ZBED4: variants seen among roughly 807,000 people sequenced by gnomAD.
The protein encoded by ZBED4 is zinc finger BED-type containing 4, also known as zinc finger BED domain-containing protein 4.
In ZBED4, 4 loss-of-function variants were observed where a neutral mutation model predicts 15.5. The ratio of observed to expected loss-of-function variants is 0.26; its 90% CI spans 0.13 to 0.59. The LOEUF is 0.59. Ranked by LOEUF, ZBED4 falls within the 20% of genes least tolerant of loss-of-function variation. ZBED4 has a pLI of 0.90. For synonymous variants in ZBED4, 692 were observed against 608.5 expected, an observed-to-expected ratio of 1.14 and a Z score of -2.02; for missense variants, 1,323 against 1,461.8, an observed-to-expected ratio of 0.91 and a Z score of 1.55.
rs758784670 is a variant in ZBED4 at position 49,883,951 on chromosome 22, G to A, written c.289G>A (p.Val97Met). 6 of 1,613,612 alleles carry A rather than the reference G, an allele frequency of 3.7e-6. No homozygotes were observed. Among genetic ancestry groups the A allele is most frequent in the South Asian group, 3.3e-5 (3 of 91,042 alleles). The part of the protein sequence containing the change: ...FSQYSSTLYD[V>M]AMEAVTQSLL... ...CCAGTACAGCAGCACCCTATACGAC[G>A]TGGCCATGGAGGCCGTGACCCAGAG... The change falls in exon 2 of 2, where the codon GTG becomes ATG. Residue 97 changes from valine (V) to methionine (M), a missense_variant. Val to Met is a conservative substitution (Grantham distance 21). Transcript: ENST00000216268.
At chr22:49,864,873 G>A (rs1316809950) in intron 1 of ZBED4, among the ~76,000 whole-genome samples, 1 of 138,698 alleles carries the variant, frequency 7.2e-6, no homozygotes, top group Admixed American at 7.3e-5. Flanking sequence ...CTGAAAGATT[G>A]CGAGTCAAAC....
intron 1 of ZBED4, among the ~76,000 whole-genome samples, chr22:49,862,693 CTTTTTTTTTTTTTTTTT>C (rs66520307): frequency 5.1e-5 from 3 of 58,988 alleles, no homozygotes; most frequent in Non-Finnish European, 9.8e-5. Flanking sequence ...TAAGTTTTTC[CTTTTTTTTTTTTTTTTT>C]TTTTTTTTTA....
Position 49,876,534 on chromosome 22 carries a change from A to C in ZBED4, c.-329-6800A>C, listed in dbSNP as rs138530015. On this transcript the variant is annotated intron_variant, in intron 1 of 1. Coordinates refer to ENST00000216268, the MANE Select transcript of ZBED4 (RefSeq NM_014838.3). ...TTTTGTGATGTTGTTTGTTATATTT[A>C]GTATGTTATTCTTAAATCTTTACCC... Among the ~76,000 whole-genome samples the C allele has an allele frequency of 9.7e-3, 1,472 of 152,158 alleles. 17 individuals are homozygous for C. The highest frequency in any genetic ancestry group is 0.068 in the South Asian group (326 of 4,802).
Position 49,884,929 on chromosome 22 carries a change from G to A in ZBED4, c.1267G>A (p.Ala423Thr). 1 of 1,606,282 alleles carries A rather than the reference G, an allele frequency of 6.2e-7. No homozygotes were observed. The highest frequency in any genetic ancestry group is 8.5e-7 in the Non-Finnish European group (1 of 1,175,614). Residue 423 changes from alanine (A) to threonine (T), a missense_variant, in exon 2 of 2, where the codon GCC (alanine) becomes ACC (threonine). Transcript: ENST00000216268. ...CTCATCTTCCGATGACATAGGGGAGGCCTCGGCGTCCTCTCCTGAGAAGCA... is the reference window on the plus strand; with the variant it reads ...CTCATCTTCCGATGACATAGGGGAGACCTCGGCGTCCTCTCCTGAGAAGCA... ...AFSSSDDIGEASASSPEKQQA... is the reference protein window; with the variant it reads ...AFSSSDDIGETSASSPEKQQA...
intron 1 of ZBED4, among the ~76,000 whole-genome samples, chr22:49,874,402 T>TG (rs1271832332): frequency 6.6e-6 from 1 of 152,006 alleles, no homozygotes; most frequent in Non-Finnish European, 1.5e-5. Flanking sequence ...TTTTTTTTTT[T>TG]TTAGATGGAG....
intron 1 of ZBED4, among the ~76,000 whole-genome samples, chr22:49,872,744 G>A (rs2060354962): frequency 6.7e-6 from 1 of 149,578 alleles, no homozygotes; most frequent in South Asian, 2.1e-4. Flanking sequence ...TCACTCCATC[G>A]CCCAGGCTGG....
chr22:49,870,322 A>G (rs574529673), intron 1 of ZBED4, among the ~76,000 whole-genome samples: 3 of 152,082 alleles, frequency 2.0e-5, no homozygotes, highest in East Asian at 3.9e-4. Context: ...AGAATGATTT[A>G]TTTCTTTGGG....
chr22:49,867,840 C>G (rs1463400340), intron 1 of ZBED4, among the ~76,000 whole-genome samples: 1 of 152,196 alleles, frequency 6.6e-6, no homozygotes, highest in East Asian at 1.9e-4. Flanking sequence ...ATGTGCCGAG[C>G]ATCATAGCTT....
Position 49,889,505 on chromosome 22 carries a change from G to GT in ZBED4, c.*2328dup, listed in dbSNP as rs1569167447. ...TTTAAGCTTTCAGCTTCATGCTGCT[G>GT]TATTTTTAGTTGAAGTGTTCTGAGT... On this transcript the variant is annotated 3_prime_UTR_variant, in exon 2 of 2. Transcript: ENST00000216268. The GT allele has an allele frequency of 6.0e-6, 1 of 167,112 alleles. No individual in the cohort carries two copies. The highest frequency in any genetic ancestry group is 1.5e-5 in the Non-Finnish European group (1 of 68,118). The allele number at this position is 167,112 out of a possible 1,614,324, so 10.4% of individuals were successfully genotyped here. A position where few individuals can be genotyped will look rare whatever the true frequency, so the allele number is the denominator to read the frequency against.
intron 1 of ZBED4, among the ~76,000 whole-genome samples, chr22:49,862,858 C>T (rs934318584): frequency 2.6e-5 from 4 of 151,972 alleles, no homozygotes; most frequent in African/African-American, 7.3e-5. Context: ...CCCACCACCA[C>T]GCCTGGCTAA....
chr22:49,854,322 T>G (rs1349084615), intron 1 of ZBED4, among the ~76,000 whole-genome samples: 1 of 150,300 alleles, frequency 6.7e-6, no homozygotes, highest in African/African-American at 2.4e-5. Context: ...GCCGCCCGGG[T>G]CCGCCGGGAG....
At chr22:49,867,955 G>A (rs1314380047) in intron 1 of ZBED4, among the ~76,000 whole-genome samples, 2 of 152,206 alleles carry the variant, frequency 1.3e-5, no homozygotes, top group African/African-American at 2.4e-5. Context: ...AATATCTCAT[G>A]TAAGAGTGTC....
At chr22:49,872,132 G>GT (rs2060351192) in intron 1 of ZBED4, among the ~76,000 whole-genome samples, 2 of 152,190 alleles carry the variant, frequency 1.3e-5, no homozygotes, top group African/African-American at 4.8e-5. Context: ...TTTACCCACA[G>GT]TAGAACTTCT....
rs551197729 is a variant in ZBED4, at chr22:49,854,483, A to G, written c.-330+494A>G. On this transcript the variant is annotated intron_variant, in intron 1 of 1. Coordinates refer to ENST00000216268, the MANE Select transcript of ZBED4 (RefSeq NM_014838.3). ...GGGTCCTTGCGACGCGCCCCGAGGC[A>G]GGTTATTGTACGTGGTTCTGGGGAT... 5.9e-5 allele frequency among the ~76,000 whole-genome samples: 9 copies of G among 152,334 alleles called. No individual in the cohort carries two copies. In the East Asian group the frequency reaches 1.7e-3, roughly 29 times the overall value.
chr22:49,882,814 A>G (rs1357417990), intron 1 of ZBED4, among the ~76,000 whole-genome samples: 1 of 152,196 alleles, frequency 6.6e-6, no homozygotes, highest in Admixed American at 6.5e-5. Context: ...GTTTTCACCC[A>G]CAGGACGCCT....
chr22:49,879,361 G>A lies in ZBED4; in HGVS notation c.-329-3973G>A, dbSNP rs1028361034. Among the ~76,000 whole-genome samples, 6 of 151,706 alleles carry A rather than the reference G, an allele frequency of 4.0e-5. No individual in the cohort carries two copies. The East Asian group carries it at 6.0e-4, about 15-fold the overall frequency. On this transcript the variant is annotated intron_variant, in intron 1 of 1. Transcript: ENST00000216268. ...AAGCTGGTCTCAACCTCCTGAGCTC[G>A]GTTGATCCGTCTGCCTCATCCTCCC... is the stretch of plus-strand genomic sequence containing the variant.
At position 49,886,083 on chromosome 22, in the gene ZBED4, C is replaced by T; in HGVS notation, c.2421C>T (p.Val807=). 2.9e-6 allele frequency: 2 copies of T among 680,588 alleles called. No individual in the cohort carries two copies. The highest frequency in any genetic ancestry group is 5.4e-6 in the Non-Finnish European group (2 of 369,922). 42.2% of individuals were successfully genotyped at this position (680,588 alleles called of 1,614,324 possible). A position where few individuals can be genotyped will look rare whatever the true frequency, so the allele number is the denominator to read the frequency against. Residue 807 remains valine (V), a synonymous_variant, in exon 2 of 2, where the codon GTC becomes GTT. Coordinates refer to ENST00000216268, the MANE Select transcript of ZBED4 (RefSeq NM_014838.3). The surrounding 1 kb of genome is among the most constrained non-coding windows in gnomAD (Gnocchi z 7.7). ...CCGGCCTTCAGGTGGGCATCACCGT[C>T]ACCGACAACGCCAGCATCGGGAAGA... ...TSTGLQVGIT[V]TDNASIGKTL...
Position 49,883,919 on chromosome 22 carries a change from T to C in ZBED4, c.257T>C (p.Leu86Pro). ...SAESEDDYGA[L>P]FSQYSSTLYD... ...GAGAGTGAGGATGACTATGGCGCGCTGTTCTCCCAGTACAGCAGCACCCTA... is the reference window on the plus strand; with the variant it reads ...GAGAGTGAGGATGACTATGGCGCGCCGTTCTCCCAGTACAGCAGCACCCTA... Residue 86 changes from leucine to proline, a missense_variant, in exon 2 of 2, where the codon CTG (leucine) becomes CCG (proline). Leu to Pro is a moderately conservative substitution (Grantham distance 98, BLOSUM62 -3). This residue lies in a region of ZBED4 where 380 missense variants were observed against 413.7 expected (regional missense o/e 0.92). Coordinates refer to ENST00000216268, the MANE Select transcript of ZBED4 (RefSeq NM_014838.3). The C allele has an allele frequency of 3.7e-6, 6 of 1,610,048 alleles. No homozygotes were observed. Among genetic ancestry groups the C allele is most frequent in the Non-Finnish European group, 5.1e-6 (6 of 1,177,472 alleles).
intron 1 of ZBED4, among the ~76,000 whole-genome samples, chr22:49,868,108 A>G (rs866624199): frequency 1.3e-5 from 2 of 152,330 alleles, no homozygotes; most frequent in Middle Eastern, 6.8e-3. Flanking sequence ...CCACTTACCC[A>G]TATTCATGGT....
Sources: allele counts gnomAD v4.1 joint callset (sites outside exome capture counted in the v4.1 genomes callset), GRCh38; gene constraint gnomAD v4.1.1; regional missense constraint gnomAD v4.1.1; non-coding constraint Gnocchi (gnomAD v3.1); transcripts MANE v1.5; gene names NCBI Gene and HGNC (gene_info 2026-07-23, HGNC 2026-07-21).